CAMTA1: variants seen among roughly 807,000 people sequenced by gnomAD.
CAMTA1 encodes calmodulin binding transcription activator 1, also known as calmodulin-binding transcription activator 1.
CAMTA1 carries 27 observed loss-of-function variants against 170.9 expected under a neutral mutation model. The observed-to-expected ratio is 0.16, with a 90% CI of 0.12 to 0.22. The LOEUF (loss-of-function observed/expected upper bound fraction) is 0.22. Among genes scored for constraint, CAMTA1 ranks in the 10% least tolerant of loss-of-function variants. CAMTA1 has a pLI of 1.00. For missense variants in CAMTA1, 1,619 were observed against 2,217.2 expected, an observed-to-expected ratio of 0.73 and a Z score of 5.42; for synonymous variants, 833 against 891.5, an observed-to-expected ratio of 0.93 and a Z score of 1.17.
chr1:7,502,569 C>T (rs1455755093), intron 6 of CAMTA1, among the ~76,000 whole-genome samples: 1 of 152,128 alleles, frequency 6.6e-6, no homozygotes, highest in Non-Finnish European at 1.5e-5. Flanking sequence ...TCTGGAAAGT[C>T]GCCTTCAGCC....
intron 4 of CAMTA1, among the ~76,000 whole-genome samples, chr1:7,117,668 AG>A (rs1336078098): frequency 1.3e-5 from 2 of 152,196 alleles, no homozygotes; most frequent in African/African-American, 4.8e-5. Context: ...AGTGTTGAGC[AG>A]AGGACGGCCT....
chr1:7,302,722 T>A (rs1358976656), intron 5 of CAMTA1, among the ~76,000 whole-genome samples: 1 of 152,168 alleles, frequency 6.6e-6, no homozygotes, highest in African/African-American at 2.4e-5. Context: ...GGGTCTTGCG[T>A]CTCAAGGGGA....
At chr1:6,995,405 G>A (rs774221836) in intron 3 of CAMTA1, among the ~76,000 whole-genome samples, 1 of 141,668 alleles carries the variant, frequency 7.1e-6, no homozygotes, top group Non-Finnish European at 1.5e-5. Flanking sequence ...CTGGGTTCAA[G>A]CGATTCTTTT....
intron 1 of CAMTA1, among the ~76,000 whole-genome samples, chr1:6,790,715 G>T (rs1180301637): frequency 6.6e-6 from 1 of 151,948 alleles, no homozygotes; most frequent in African/African-American, 2.4e-5. Flanking sequence ...TCTTAGGCTA[G>T]GCATCTGATA....
chr1:7,630,658 G>A (rs754395570), intron 6 of CAMTA1, among the ~76,000 whole-genome samples: 2 of 152,204 alleles, frequency 1.3e-5, no homozygotes, highest in African/African-American at 2.4e-5. Context: ...TCCTGCTGGC[G>A]CACAGGCTTG....
chr1:7,146,966 C>T lies in CAMTA1; in HGVS notation c.302+55595C>T, dbSNP rs567186737. Among the ~76,000 whole-genome samples, 2 of 151,740 alleles carry T rather than the reference C, an allele frequency of 1.3e-5. No homozygotes were observed. Among genetic ancestry groups the T allele is most frequent in the Admixed American group, 1.3e-4 (2 of 15,244 alleles). On this transcript the variant is annotated intron_variant, in intron 4 of 22. Coordinates refer to ENST00000303635, the MANE Select transcript of CAMTA1 (RefSeq NM_015215.4). The surrounding 1 kb of genome is among the most constrained non-coding windows in gnomAD (Gnocchi z 4.3). ...ACACATCACACATTCAAACATATGC[C>T]GTGCACACACACAGAAAGTTACAGC...
At chr1:6,807,085 GA>G in intron 1 of CAMTA1, 1 of 640,388 alleles carries the variant, frequency 1.6e-6, no homozygotes, top group South Asian at 1.8e-5. Flanking sequence ...TCAGTGCTGT[GA>G]AGGTGCGTGC....
intron 3 of CAMTA1, among the ~76,000 whole-genome samples, chr1:7,046,998 A>G (rs1705487893): frequency 6.6e-6 from 1 of 151,948 alleles, no homozygotes; most frequent in Non-Finnish European, 1.5e-5. Flanking sequence ...GCCCCCTTTG[A>G]AGTTAGGAGT....
At chr1:6,893,910 A>G (rs1675100070) in intron 3 of CAMTA1, among the ~76,000 whole-genome samples, 1 of 152,226 alleles carries the variant, frequency 6.6e-6, no homozygotes, top group Non-Finnish European at 1.5e-5. Context: ...CAGGCATCCA[A>G]ATATTTACTC....
chr1:7,031,965 TATTTA>T (rs1702878125), intron 3 of CAMTA1, among the ~76,000 whole-genome samples: 2 of 152,086 alleles, frequency 1.3e-5, no homozygotes, highest in Non-Finnish European at 2.9e-5. Context: ...CTTATTTATT[TATTTA>T]TTTATTTATT....
chr1:6,901,455 G>T (rs1459762228), intron 3 of CAMTA1, among the ~76,000 whole-genome samples: 1 of 152,166 alleles, frequency 6.6e-6, no homozygotes, highest in Non-Finnish European at 1.5e-5. Flanking sequence ...GCCACAGACT[G>T]GGAGGAACCT....
Position 7,642,735 on chromosome 1 carries a change from A to G in CAMTA1, c.664+2182A>G, listed in dbSNP as rs949807863. On this transcript the variant is annotated intron_variant, in intron 7 of 22. Transcript: ENST00000303635. This position sits in a 1 kb window ranked among gnomAD's most constrained non-coding sequence, Gnocchi z 6.3. Reference sequence around the variant, plus strand: ...ATCCTGGCTTCATGGCTGCCCCTCTACACAGCCCCAGACCAATGCCCCACC... The same window carrying G: ...ATCCTGGCTTCATGGCTGCCCCTCTGCACAGCCCCAGACCAATGCCCCACC... Among the ~76,000 whole-genome samples, 3 of 152,084 alleles carry G rather than the reference A, an allele frequency of 2.0e-5. No individual in the cohort carries two copies. Among genetic ancestry groups the G allele is most frequent in the Non-Finnish European group, 4.4e-5 (3 of 67,996 alleles).
At chr1:7,177,322 C>T (rs1388716280) in intron 4 of CAMTA1, among the ~76,000 whole-genome samples, 2 of 151,296 alleles carry the variant, frequency 1.3e-5, no homozygotes, top group Non-Finnish European at 2.9e-5. Flanking sequence ...ATTGAGGTAT[C>T]TCCCACACAC....
chr1:7,601,305 G>A (rs1353598338), intron 6 of CAMTA1, among the ~76,000 whole-genome samples: 4 of 151,092 alleles, frequency 2.6e-5, no homozygotes, highest in East Asian at 2.0e-4. Flanking sequence ...CTTCTCAGAC[G>A]GTGCGGCCGG....
At chr1:7,034,823 G>A (rs537382914) in intron 3 of CAMTA1, among the ~76,000 whole-genome samples, 21 of 152,220 alleles carry the variant, frequency 1.4e-4, no homozygotes, top group African/African-American at 4.6e-4. Context: ...ATTTTAAGCA[G>A]GAGAGGACCT....
At chr1:7,545,514 A>G (rs1290715962) in intron 6 of CAMTA1, among the ~76,000 whole-genome samples, 1 of 152,134 alleles carries the variant, frequency 6.6e-6, no homozygotes, top group Non-Finnish European at 1.5e-5. Context: ...TGACCTTGAC[A>G]TTTTTGAAGA....
rs371536741 is a variant in CAMTA1 at position 7,224,775 on chromosome 1, G to A, written c.303-24716G>A. ...TTTGGTGGATATGCCTCCCTGCCCC[G>A]CTCCCCAGGGCCCTGCTCCGTAGCT... On this transcript the variant is annotated intron_variant, in intron 4 of 22. Transcript: ENST00000303635. This position sits in a 1 kb window ranked among gnomAD's most constrained non-coding sequence, Gnocchi z 5.2. 6.6e-6 allele frequency among the ~76,000 whole-genome samples: 1 copy of A among 152,004 alleles called. No individual in the cohort carries two copies. Among genetic ancestry groups the A allele is most frequent in the African/African-American group, 2.4e-5 (1 of 41,324 alleles).
At chr1:7,630,433 G>A (rs999434672) in intron 6 of CAMTA1, among the ~76,000 whole-genome samples, 1 of 152,202 alleles carries the variant, frequency 6.6e-6, no homozygotes, top group Non-Finnish European at 1.5e-5. Flanking sequence ...AGGAGGCAGG[G>A]CAAGCCAGCC....
chr1:6,898,281 C>T (rs188405453), intron 3 of CAMTA1, among the ~76,000 whole-genome samples: 42 of 152,136 alleles, frequency 2.8e-4, no homozygotes, highest in African/African-American at 8.0e-4. Context: ...GGGCCGGGCA[C>T]GGTGGCTCAA....
Sources: gnomAD v4.1 joint callset for allele counts (sites outside exome capture counted in the v4.1 genomes callset) on GRCh38, gnomAD v4.1.1 for gene constraint, Gnocchi (gnomAD v3.1) non-coding constraint, MANE v1.5 for transcripts, NCBI Gene and HGNC (gene_info 2026-07-23, HGNC 2026-07-21) for gene names.